COL4A6: variants seen among roughly 807,000 people sequenced by gnomAD.
The protein encoded by COL4A6 is collagen type IV alpha 6 chain.
COL4A6 carries 59 observed loss-of-function variants against 126.7 expected under a neutral mutation model. That is an observed-to-expected ratio of 0.47 (90% CI 0.38 to 0.58). The LOEUF (loss-of-function observed/expected upper bound fraction) is 0.58, where lower values mean the gene tolerates loss of function less well. COL4A6 is among the 20% of genes least tolerant of loss of function. The probability of loss-of-function intolerance (pLI) is 0.00; values close to 1 mark genes in which losing one functional copy is unlikely to be tolerated. For missense variants in COL4A6, 1,285 were observed against 1,337.3 expected, an observed-to-expected ratio of 0.96 and a Z score of 0.61; for synonymous variants, 547 against 496.6, an observed-to-expected ratio of 1.10 and a Z score of -1.35.
At position 108,438,005 on chromosome X, in the gene COL4A6, G is replaced by C. The variant is rs1603239728; in HGVS notation, c.12-12C>G. 4.1e-6 allele frequency: 5 copies of C among 1,208,010 alleles called. No individual in the cohort carries two copies. The East Asian group carries it at 1.5e-4, about 36-fold the overall frequency. Reference sequence around the variant, plus strand: ...GGAGCAGCCACAACCTGAAATGGGAGGGAGGGTGAGTAATGGGCTCTCTAG... The same window carrying C: ...GGAGCAGCCACAACCTGAAATGGGACGGAGGGTGAGTAATGGGCTCTCTAG... On this transcript the variant is annotated splice_polypyrimidine_tract_variant and intron_variant, in intron 1 of 44. Transcript: ENST00000334504.
At chrX:108,346,051 C>T (rs2039697141) in intron 2 of COL4A6, among the ~76,000 whole-genome samples, 1 of 111,114 alleles carries the variant, frequency 9.0e-6, no homozygotes, top group Non-Finnish European at 1.9e-5. Context: ...AGAAACACCC[C>T]CGCACCCCCC....
Position 108,420,450 on chromosome X carries a change from T to G in COL4A6, c.63+17492A>C, listed in dbSNP as rs776876369. Among the ~76,000 whole-genome samples, 7 of 111,657 alleles carry G rather than the reference T, an allele frequency of 6.3e-5. No homozygotes were observed. In the East Asian group the frequency reaches 2.0e-3, roughly 31 times the overall value. ...CTGAGATTTGGGGAGTTGTTTGCTA[T>G]GACAGCATAACCTACCCTATCCTGA... On this transcript the variant is annotated intron_variant, in intron 2 of 44. Transcript: ENST00000334504.
intron 2 of COL4A6, among the ~76,000 whole-genome samples, chrX:108,406,701 T>C (rs192580135): frequency 8.9e-6 from 1 of 112,475 alleles, no homozygotes; most frequent in Non-Finnish European, 1.9e-5. Context: ...GAAATAGTCT[T>C]TCTTTCCATC....
chrX:108,192,462 GT>G lies in COL4A6; in HGVS notation c.1180+10del. 1 of 1,180,384 alleles carries G rather than the reference GT, an allele frequency of 8.5e-7. No homozygotes were observed. Among genetic ancestry groups the G allele is most frequent in the Non-Finnish European group, 1.2e-6 (1 of 869,303 alleles). On this transcript the variant is annotated intron_variant, in intron 18 of 44. Transcript: ENST00000334504. ...ACTGATCTGTGTAGGAAATGGGTTA[GT>G]TTTTTTCACCTGATAATGCTGGCAA...
At chrX:108,161,793 C>T in intron 41 of COL4A6, 58 bp from the exon 42 acceptor site, 1 of 810,405 alleles carries the variant, frequency 1.2e-6, no homozygotes, top group Non-Finnish European at 1.8e-6. Flanking sequence ...CAGGCACCTT[C>T]CCCAGGAAAG....
At chrX:108,393,588 A>C (rs982774955) in intron 2 of COL4A6, among the ~76,000 whole-genome samples, 6 of 112,098 alleles carry the variant, frequency 5.4e-5, no homozygotes, top group Non-Finnish European at 7.5e-5. Context: ...CAATGAATAT[A>C]CTAAAAACCA....
chrX:108,292,824 C>A (rs374093157), intron 3 of COL4A6, among the ~76,000 whole-genome samples: 6 of 108,349 alleles, frequency 5.5e-5, no homozygotes, highest in East Asian at 2.9e-4. Context: ...AGGAAAAGCA[C>A]TGTCGTCTCA....
At chrX:108,303,454 G>A (rs2038547968) in intron 3 of COL4A6, among the ~76,000 whole-genome samples, 2 of 111,914 alleles carry the variant, frequency 1.8e-5, no homozygotes, top group Admixed American at 9.4e-5. Context: ...AATATCTGAT[G>A]TCTCTGTCAT....
intron 37 of COL4A6, 63 bp from the exon 38 acceptor site, chrX:108,165,549 TTCAGAGAAAATGGAAGC>T: frequency 1.2e-6 from 1 of 823,184 alleles, no homozygotes. Context: ...GCCAGGCTCT[TTCAGAGAAAATGGAAGC>T]TCACACAGAG....
chrX:108,334,423 T>C lies in COL4A6; in HGVS notation c.64-23595A>G, dbSNP rs775367653. Among the ~76,000 whole-genome samples, 3 of 111,519 alleles carry C rather than the reference T, an allele frequency of 2.7e-5. No homozygotes were observed. The Admixed American group carries it at 2.9e-4, about 11-fold the overall frequency. ...GTTCATTTCTAACTACACAAAACAG[T>C]TTTTCAATAAGGTCGGTGAAACATG... On this transcript the variant is annotated intron_variant, in intron 2 of 44. Coordinates refer to ENST00000334504, the MANE Select transcript of COL4A6 (RefSeq NM_033641.4).
intron 2 of COL4A6, among the ~76,000 whole-genome samples, chrX:108,392,776 C>A (rs762235165): frequency 3.0e-4 from 34 of 111,749 alleles, no homozygotes; most frequent in Non-Finnish European, 5.6e-4. Flanking sequence ...TTCATTGCTT[C>A]CACCACATGA....
chrX:108,304,205 T>C (rs1237956612), intron 3 of COL4A6, among the ~76,000 whole-genome samples: 2 of 112,176 alleles, frequency 1.8e-5, no homozygotes, highest in African/African-American at 3.2e-5. Flanking sequence ...GGCTCTTCTC[T>C]AGCAGAAGCC....
intron 3 of COL4A6, among the ~76,000 whole-genome samples, chrX:108,224,064 G>A (rs1356050172): frequency 8.9e-6 from 1 of 112,089 alleles, no homozygotes; most frequent in Admixed American, 9.4e-5. Context: ...AGTCCCAGCA[G>A]CACCCAGCAT....
chrX:108,165,236 C>T, intron 38 of COL4A6, 134 bp downstream of exon 38: 1 of 755,322 alleles, frequency 1.3e-6, no homozygotes, highest in South Asian at 2.2e-5. Context: ...TGTGTCCCCA[C>T]TCGGGGAGGG....
intron 2 of COL4A6, among the ~76,000 whole-genome samples, chrX:108,386,827 TC>T (rs1179746559): frequency 8.9e-6 from 1 of 112,253 alleles, no homozygotes; most frequent in Non-Finnish European, 1.9e-5. Flanking sequence ...TAGGCTTTCT[TC>T]TAGGGTTTTT....
intron 20 of COL4A6, among the ~76,000 whole-genome samples, chrX:108,189,655 T>C (rs759806140): frequency 8.9e-6 from 1 of 112,581 alleles, no homozygotes; most frequent in South Asian, 3.7e-4. Context: ...TCCTGGGACC[T>C]GAATAGCAGA....
chrX:108,202,801 C>G lies in COL4A6; in HGVS notation c.834+127G>C, dbSNP rs1464405373. 2.1e-5 allele frequency: 12 copies of G among 560,654 alleles called. No homozygotes were observed. The East Asian group carries it at 4.0e-4, about 19-fold the overall frequency. 46.2% of individuals were successfully genotyped at this position (560,654 alleles called of 1,213,427 possible). A position where few individuals can be genotyped will look rare whatever the true frequency, so the allele number is the denominator to read the frequency against. On this transcript the variant is annotated intron_variant, in intron 13 of 44. Coordinates refer to ENST00000334504, the MANE Select transcript of COL4A6 (RefSeq NM_033641.4). ...ACAAGAACATCTCCTTAAATACCTTCTAATAATAAAGATGGTGGCATTCTC... is the reference window on the plus strand; with the variant it reads ...ACAAGAACATCTCCTTAAATACCTTGTAATAATAAAGATGGTGGCATTCTC...
intron 3 of COL4A6, among the ~76,000 whole-genome samples, chrX:108,272,565 G>A (rs754526769): frequency 9.8e-5 from 11 of 111,796 alleles, no homozygotes; most frequent in Admixed American, 9.5e-4. Flanking sequence ...AATGAGATGA[G>A]TGGAAATTTA....
chrX:108,171,516 C>T, intron 32 of COL4A6, 55 bp from the exon 33 acceptor site: 2 of 1,007,202 alleles, frequency 2.0e-6, no homozygotes, highest in South Asian at 2.1e-5. Flanking sequence ...GCTCATTTTG[C>T]ACCACTGAGA....
Sources: allele counts gnomAD v4.1 joint callset (sites outside exome capture counted in the v4.1 genomes callset), GRCh38; gene constraint gnomAD v4.1.1; transcripts MANE v1.5; gene names NCBI Gene and HGNC (gene_info 2026-07-23, HGNC 2026-07-21).